Variants in MAPRE2 observed in about 807,000 individuals in gnomAD.
MAPRE2 encodes microtubule-associated protein RP/EB family member 2.
Under a neutral mutation model 43.2 loss-of-function variants are expected in MAPRE2, and 13 were observed. The observed-to-expected ratio is 0.30, with a 90% CI of 0.20 to 0.48. The LOEUF (loss-of-function observed/expected upper bound fraction) is 0.48, where lower values mean the gene tolerates loss of function less well. MAPRE2 is among the 20% of genes least tolerant of loss of function. The pLI, the probability that MAPRE2 is intolerant of heterozygous loss-of-function variation, is 0.99. For synonymous variants in MAPRE2, 135 were observed against 148.8 expected, an observed-to-expected ratio of 0.91 and a Z score of 0.68; for missense variants, 161 against 400.2, an observed-to-expected ratio of 0.40 and a Z score of 5.10.
At chr18:35,011,974 A>C (rs1240638481) in intron 2 of MAPRE2, among the ~76,000 whole-genome samples, 1 of 152,156 alleles carries the variant, frequency 6.6e-6, no homozygotes, top group Non-Finnish European at 1.5e-5. Flanking sequence ...AGGAGAACAC[A>C]TTGATCTTTA....
chr18:35,017,015 A>G (rs1450610844), intron 2 of MAPRE2, among the ~76,000 whole-genome samples: 11 of 151,974 alleles, frequency 7.2e-5, no homozygotes, highest in Non-Finnish European at 4.4e-5. Context: ...ATTCTGCTGC[A>G]TATGGCTAGC....
intron 2 of MAPRE2, among the ~76,000 whole-genome samples, chr18:35,021,171 G>T (rs1468431911): frequency 6.6e-6 from 1 of 152,160 alleles, no homozygotes; most frequent in Non-Finnish European, 1.5e-5. Flanking sequence ...GTCAAACTGT[G>T]CAGAGTCCCA....
chr18:35,056,331 G>A (rs1436135767), intron 1 of MAPRE2, among the ~76,000 whole-genome samples: 3 of 152,006 alleles, frequency 2.0e-5, no homozygotes, highest in African/African-American at 7.2e-5. Flanking sequence ...TATAACAATA[G>A]CTAAAGCTGA....
intron 1 of MAPRE2, among the ~76,000 whole-genome samples, chr18:35,054,097 C>T (rs1470138587): frequency 6.6e-6 from 1 of 152,134 alleles, no homozygotes; most frequent in Non-Finnish European, 1.5e-5. Flanking sequence ...TGATCTCTTT[C>T]CATTCCCATT....
At chr18:35,123,261 TTG>T (rs1478391429) in intron 4 of MAPRE2, among the ~76,000 whole-genome samples, 1 of 152,264 alleles carries the variant, frequency 6.6e-6, no homozygotes, top group African/African-American at 2.4e-5. Context: ...TAGCCCTTTA[TTG>T]TAAGCAATCA....
intron 1 of MAPRE2, among the ~76,000 whole-genome samples, chr18:35,060,183 A>G (rs1906448011): frequency 6.6e-6 from 1 of 152,162 alleles, no homozygotes; most frequent in Non-Finnish European, 1.5e-5. Context: ...AAGACCTGGG[A>G]TCATGGGAAA....
chr18:35,003,043 G>A lies in MAPRE2; in HGVS notation c.-69-2449G>A, dbSNP rs140168938. Among the ~76,000 whole-genome samples the A allele has an allele frequency of 5.2e-3, 787 of 152,180 alleles. 3 individuals are homozygous for A. The highest frequency in any genetic ancestry group is 8.7e-3 in the South Asian group (42 of 4,820). On this transcript the variant is annotated intron_variant, in intron 1 of 7. Coordinates refer to the MAPRE2 transcript ENST00000413393. ...TTGTAGTCTTACATTTCACATTTAT[G>A]CCATGATCCATTTTGAGTTCGTTTT...
At chr18:35,055,997 G>A (rs1906211233) in intron 1 of MAPRE2, among the ~76,000 whole-genome samples, 1 of 151,426 alleles carries the variant, frequency 6.6e-6, no homozygotes, top group Non-Finnish European at 1.5e-5. Context: ...ATGAATATGA[G>A]TGTTATAACT....
rs781130492 is a variant in MAPRE2, at chr18:35,070,183, T to G, written c.123-12T>G. ...TTTCCTTGTTGTTAAATAAACTTTG[T>G]TTTTTTTCTAGTTGGGGAATGGCGG... On this transcript the variant is annotated splice_polypyrimidine_tract_variant and intron_variant, in intron 1 of 6. Transcript: ENST00000300249. The G allele has an allele frequency of 4.5e-6, 7 of 1,572,648 alleles. No homozygotes were observed. The highest frequency in any genetic ancestry group is 6.0e-6 in the Non-Finnish European group (7 of 1,163,896).
At chr18:35,091,497 C>CTA (rs34678930) in intron 2 of MAPRE2, among the ~76,000 whole-genome samples, 14,488 of 152,168 alleles carry the variant, frequency 0.095, 795 homozygotes, top group South Asian at 0.15. Flanking sequence ...CCAAAGCCAT[C>CTA]TATAGATCCA....
intron 2 of MAPRE2, among the ~76,000 whole-genome samples, chr18:35,006,389 A>G (rs900732637): frequency 6.6e-6 from 1 of 152,230 alleles, no homozygotes; most frequent in Non-Finnish European, 1.5e-5. Flanking sequence ...TTCAAAAAAA[A>G]ATTCTGGAAT....
intron 1 of MAPRE2, among the ~76,000 whole-genome samples, chr18:35,063,450 G>A (rs1174372236): frequency 6.6e-6 from 1 of 151,316 alleles, no homozygotes; most frequent in African/African-American, 2.4e-5. Context: ...GTTGAATGTG[G>A]ACTCCTTTAA....
At chr18:35,048,356 T>A (rs1214113994) in intron 1 of MAPRE2, among the ~76,000 whole-genome samples, 1 of 151,940 alleles carries the variant, frequency 6.6e-6, no homozygotes, top group Non-Finnish European at 1.5e-5. Context: ...AACACAAGAT[T>A]TAGAGGGGAC....
At chr18:35,139,205 G>C (rs972548525) in intron 6 of MAPRE2, among the ~76,000 whole-genome samples, 1 of 152,202 alleles carries the variant, frequency 6.6e-6, no homozygotes, top group Non-Finnish European at 1.5e-5. Flanking sequence ...GGGCCCGACA[G>C]ACAGGGAAGG....
intron 1 of MAPRE2, among the ~76,000 whole-genome samples, chr18:34,993,768 A>T (rs2097025000): frequency 6.6e-6 from 1 of 152,204 alleles, no homozygotes; most frequent in South Asian, 2.1e-4. Context: ...TGATGGGAAC[A>T]AATGAAGCTA....
At chr18:35,005,142 T>C (rs1049733654) in intron 1 of MAPRE2, among the ~76,000 whole-genome samples, 1 of 152,136 alleles carries the variant, frequency 6.6e-6, no homozygotes, top group Non-Finnish European at 1.5e-5. Flanking sequence ...CACTGCTCCT[T>C]GGGGTTATCC....
At chr18:35,118,998 A>G (rs142735295) in intron 4 of MAPRE2, among the ~76,000 whole-genome samples, 127 of 152,276 alleles carry the variant, frequency 8.3e-4, no homozygotes, top group Non-Finnish European at 1.5e-3. Flanking sequence ...TGCAACTGGC[A>G]TGTTCCCTGC....
chr18:35,095,434 A>G (rs1039758355), intron 2 of MAPRE2, among the ~76,000 whole-genome samples: 4 of 151,520 alleles, frequency 2.6e-5, no homozygotes, highest in African/African-American at 9.7e-5. Context: ...AGAGGATTAG[A>G]ATGGCATATA....
At chr18:35,004,411 G>GTATA (rs2097030787) in intron 1 of MAPRE2, among the ~76,000 whole-genome samples, 1 of 152,134 alleles carries the variant, frequency 6.6e-6, no homozygotes, top group African/African-American at 2.4e-5. Flanking sequence ...AGGCTCATAT[G>GTATA]TATATGCAAG....
Sources: allele counts gnomAD v4.1 joint callset (sites outside exome capture counted in the v4.1 genomes callset), GRCh38; gene constraint gnomAD v4.1.1; transcripts MANE v1.5; gene names NCBI Gene and HGNC (gene_info 2026-07-23, HGNC 2026-07-21).